RGS7: variants seen among roughly 807,000 people sequenced by gnomAD.
RGS7 encodes regulator of G-protein signaling 7.
Under a neutral mutation model 81.1 loss-of-function variants are expected in RGS7, and 27 were observed. The ratio of observed to expected loss-of-function variants is 0.33; its 90% confidence interval spans 0.25 to 0.46. The LOEUF is 0.46. Ranked by LOEUF, RGS7 falls within the 20% of genes least tolerant of loss-of-function variation. The pLI is 1.00. For synonymous variants in RGS7, 208 were observed against 207.7 expected (o/e 1.00, Z -0.01); for missense variants, 396 against 607.4 (o/e 0.65, Z 3.66).
At chr1:241,155,251 C>A (rs988880620) in intron 2 of RGS7, among the ~76,000 whole-genome samples, 5 of 152,088 alleles carry the variant, frequency 3.3e-5, no homozygotes, top group Non-Finnish European at 4.4e-5. Context: ...CAGGTGCATA[C>A]CCCGAGGCCC....
intron 3 of RGS7, among the ~76,000 whole-genome samples, chr1:241,069,368 G>A (rs996034258): frequency 4.6e-5 from 7 of 152,120 alleles, no homozygotes; most frequent in African/African-American, 1.4e-4. Flanking sequence ...CTAGTGGTGG[G>A]TACCTTGAGA....
At chr1:241,273,185 C>CCT (rs1553305839) in intron 2 of RGS7, among the ~76,000 whole-genome samples, 1 of 133,342 alleles carries the variant, frequency 7.5e-6, no homozygotes, top group Admixed American at 7.7e-5. Context: ...ACCCCCCCCC[C>CCT]CAAAGGATAC....
At chr1:240,869,138 T>A (rs920280822) in intron 7 of RGS7, among the ~76,000 whole-genome samples, 5 of 152,062 alleles carry the variant, frequency 3.3e-5, no homozygotes, top group African/African-American at 1.2e-4. Context: ...TAAAATTACC[T>A]AGTACATAAG....
At chr1:240,790,161 G>A (rs12047177) in intron 18 of RGS7, among the ~76,000 whole-genome samples, 78,480 of 151,944 alleles carry the variant, frequency 0.52, 23,169 homozygotes, top group Non-Finnish European at 0.66. Flanking sequence ...CAGCTGGGGA[G>A]GTGGAAGTTG....
At chr1:240,932,248 A>C (rs576514996) in intron 5 of RGS7, among the ~76,000 whole-genome samples, 9 of 152,300 alleles carry the variant, frequency 5.9e-5, no homozygotes, top group African/African-American at 2.2e-4. Flanking sequence ...CAGTAGTAAA[A>C]TAAAGAAGGC....
rs932803174 is a variant in RGS7, at chr1:241,071,731, G to A, written c.175+26935C>T. On this transcript the variant is annotated intron_variant, in intron 3 of 18. Transcript: ENST00000440928. Reference sequence around the variant, plus strand: ...CAAAAAAATTTAAAAAAAATTAGCTGGGCATGGTGGTATGTGCCTGTAGAC... The same window carrying A: ...CAAAAAAATTTAAAAAAAATTAGCTAGGCATGGTGGTATGTGCCTGTAGAC... Among the ~76,000 whole-genome samples, 8 of 151,352 alleles carry A rather than the reference G, an allele frequency of 5.3e-5. No homozygotes were observed. In the East Asian group the frequency reaches 1.4e-3, roughly 26 times the overall value.
chr1:241,285,978 C>T (rs921494445), intron 2 of RGS7, among the ~76,000 whole-genome samples: 1 of 152,164 alleles, frequency 6.6e-6, no homozygotes, highest in Non-Finnish European at 1.5e-5. Flanking sequence ...GCATAATAAC[C>T]TCAAAATGAG....
In RGS7 at chr1:241,013,327, T is replaced by C. The variant is rs1039282107; in HGVS notation, c.176-30198A>G. On this transcript the variant is annotated intron_variant, in intron 3 of 18. Transcript: ENST00000440928. ...ATCTGCCCACCTTAGCCTCCCAAAG[T>C]GCTGGGATTACAGGCATGAGCCACC... Among the ~76,000 whole-genome samples the C allele has an allele frequency of 7.9e-5, 12 of 152,260 alleles. No homozygotes were observed. In the East Asian group the frequency reaches 2.3e-3, roughly 29 times the overall value.
chr1:241,007,927 G>A (rs780438540), intron 3 of RGS7, among the ~76,000 whole-genome samples: 1 of 152,198 alleles, frequency 6.6e-6, no homozygotes, highest in Non-Finnish European at 1.5e-5. Context: ...TTTAAGGTGT[G>A]TCTGGCAAAG....
At chr1:241,048,671 G>A (rs1162445936) in intron 3 of RGS7, among the ~76,000 whole-genome samples, 2 of 152,230 alleles carry the variant, frequency 1.3e-5, no homozygotes, top group African/African-American at 2.4e-5. Context: ...CTCTCCTTCT[G>A]AGGTTCCTCT....
At chr1:240,858,017 A>G (rs1661470017) in intron 9 of RGS7, among the ~76,000 whole-genome samples, 1 of 152,164 alleles carries the variant, frequency 6.6e-6, no homozygotes, top group African/African-American at 2.4e-5. Flanking sequence ...GACCTCCCCA[A>G]CCATGCTGAA....
At chr1:240,954,171 A>C (rs1046223355) in intron 4 of RGS7, among the ~76,000 whole-genome samples, 5 of 152,054 alleles carry the variant, frequency 3.3e-5, no homozygotes, top group African/African-American at 1.2e-4. Flanking sequence ...AATTCTATCA[A>C]ACATTTAGGG....
chr1:241,040,478 T>TA (rs1558634820), intron 3 of RGS7, among the ~76,000 whole-genome samples: 46 of 150,978 alleles, frequency 3.0e-4, no homozygotes, highest in South Asian at 6.3e-4. Context: ...TTTACTTTTC[T>TA]TTTTATTTAT....
At chr1:240,846,024 G>C (rs1027518605) in intron 9 of RGS7, among the ~76,000 whole-genome samples, 1 of 152,160 alleles carries the variant, frequency 6.6e-6, no homozygotes, top group African/African-American at 2.4e-5. Flanking sequence ...TCATCCAAAA[G>C]GATGTAGATA....
intron 3 of RGS7, among the ~76,000 whole-genome samples, chr1:241,041,955 G>A (rs2060644580): frequency 6.6e-6 from 1 of 152,142 alleles, no homozygotes; most frequent in Non-Finnish European, 1.5e-5. Flanking sequence ...TGGGCTGGCT[G>A]TAAATGTCTG....
intron 3 of RGS7, among the ~76,000 whole-genome samples, chr1:241,048,583 G>A (rs991208153): frequency 5.9e-5 from 9 of 152,098 alleles, no homozygotes; most frequent in Non-Finnish European, 1.0e-4. Context: ...TATTAAATAA[G>A]TCTGTTTTAT....
chr1:240,851,466 G>A (rs918189534), intron 9 of RGS7, among the ~76,000 whole-genome samples: 26 of 152,196 alleles, frequency 1.7e-4, no homozygotes, highest in African/African-American at 6.0e-4. Context: ...AGATGTACAA[G>A]GAGATAATGT....
chr1:241,102,840 T>C (rs544069119), intron 2 of RGS7, among the ~76,000 whole-genome samples: 8 of 152,166 alleles, frequency 5.3e-5, no homozygotes, highest in Middle Eastern at 3.4e-3. Flanking sequence ...GTTGTCACAG[T>C]CACCAAGTCC....
At chr1:240,802,268 T>C (rs890217913) in intron 16 of RGS7, among the ~76,000 whole-genome samples, 2 of 152,188 alleles carry the variant, frequency 1.3e-5, no homozygotes, top group Non-Finnish European at 2.9e-5. Context: ...TTCTCTTCCC[T>C]GTTATATTGA....
Sources: allele counts gnomAD v4.1 joint callset (sites outside exome capture counted in the v4.1 genomes callset), GRCh38; gene constraint gnomAD v4.1.1; transcripts MANE v1.5; gene names NCBI Gene and HGNC (gene_info 2026-07-23, HGNC 2026-07-21).